Variants in PCDHGA1 observed in about 807,000 individuals in gnomAD.
PCDHGA1 encodes protocadherin gamma subfamily A, 1.
A neutral mutation model predicts 58.0 loss-of-function variants in PCDHGA1; 32 were observed. The ratio of observed to expected loss-of-function variants is 0.55; its 90% confidence interval spans 0.42 to 0.74. The LOEUF (loss-of-function observed/expected upper bound fraction) is 0.74. Ranked by LOEUF, PCDHGA1 falls within the 30% of genes least tolerant of loss-of-function variation. The pLI, the probability that PCDHGA1 is intolerant of heterozygous loss-of-function variation, is 0.00. For synonymous variants in PCDHGA1, 498 were observed against 501.1 expected, an observed-to-expected ratio of 0.99 and a Z score of 0.08; for missense variants, 1,205 against 1,182.3, an observed-to-expected ratio of 1.02 and a Z score of -0.28.
rs1014758036 is a variant in PCDHGA1 at position 141,486,472 on chromosome 5, T to C, written c.2422-8335T>C. The C allele has an allele frequency of 6.2e-7, 1 of 1,614,032 alleles. No homozygotes were observed. Among genetic ancestry groups the C allele is most frequent in the Non-Finnish European group, 8.5e-7 (1 of 1,179,862 alleles). ...TCACTGCTTCTGATGCTGGGAACCC[T>C]CCTCTCAGTACCCACAGAACTATTT... On this transcript the variant is annotated intron_variant, in intron 1 of 3. Coordinates refer to ENST00000517417, the MANE Select transcript of PCDHGA1 (RefSeq NM_018912.3). This position sits in a 1 kb window ranked among gnomAD's most constrained non-coding sequence, Gnocchi z 5.0.
rs758540898 is a variant in PCDHGA1 at position 141,400,450 on chromosome 5, A to G, written c.2421+67345A>G. The G allele has an allele frequency of 3.7e-6, 6 of 1,613,982 alleles. No homozygotes were observed. The African/African-American group carries it at 5.3e-5, about 14-fold the overall frequency. ...TGAGCAATTGAGTTCAGGACAAGAC[A>G]TACTTTGTGGTGATTCATCTGGGGC... On this transcript the variant is annotated intron_variant, in intron 1 of 3. Transcript: ENST00000517417.
chr5:141,331,498 G>T lies in PCDHGA1; in HGVS notation c.814G>T (p.Gly272Ter). Residue 272 changes from glycine (G) to a stop codon, truncating the protein, a stop_gained, in exon 1 of 4, where the codon GGA becomes TGA. Coordinates refer to ENST00000517417, the MANE Select transcript of PCDHGA1 (RefSeq NM_018912.3). LOFTEE classifies it high-confidence loss of function. ...LMVNATDPDE[G>*]ANGEVTYSFH... ...GGTAAATGCCACTGACCCTGATGAG[G>T]GAGCCAATGGGGAAGTAACGTACTC... 6.2e-7 allele frequency: 1 copy of T among 1,614,152 alleles called. No individual in the cohort carries two copies. The highest frequency in any genetic ancestry group is 8.5e-7 in the Non-Finnish European group (1 of 1,180,044).
At chr5:141,409,988 GCCGACT>G in intron 1 of PCDHGA1, 1 of 1,613,278 alleles carries the variant, frequency 6.2e-7, no homozygotes, top group East Asian at 2.2e-5. Context: ...AGCGGTGGAC[GCCGACT>G]CGGGACACAA....
intron 1 of PCDHGA1, chr5:141,351,119 C>A (rs1475553712): frequency 9.3e-6 from 15 of 1,614,056 alleles, no homozygotes; most frequent in Non-Finnish European, 1.3e-5. Context: ...AAGTACCAGC[C>A]TCTTCAATCT....
intron 1 of PCDHGA1, chr5:141,339,256 C>T (rs1756821042): frequency 1.2e-6 from 2 of 1,614,134 alleles, no homozygotes; most frequent in Non-Finnish European, 8.5e-7. Flanking sequence ...GGGAGGAGCT[C>T]TGCGCTCAGA....
chr5:141,409,041 A>G lies in PCDHGA1; in HGVS notation c.2421+75936A>G, dbSNP rs981171621. On this transcript the variant is annotated intron_variant, in intron 1 of 3. Coordinates refer to ENST00000517417, the MANE Select transcript of PCDHGA1 (RefSeq NM_018912.3). ...GGGGTCAATGCTGAGATAAACTACT[A>G]CTTCCGAAGCACTGCCCAGAGCACA... The G allele has an allele frequency of 8.7e-6, 14 of 1,613,864 alleles. No homozygotes were observed. Among genetic ancestry groups the G allele is most frequent in the Non-Finnish European group, 7.6e-6 (9 of 1,179,894 alleles).
rs1561964279 is a variant in PCDHGA1 at position 141,456,201 on chromosome 5, A to G, written c.2422-38606A>G. 2.0e-5 allele frequency among the ~76,000 whole-genome samples: 3 copies of G among 152,228 alleles called. No homozygotes were observed. The South Asian group carries it at 6.2e-4, about 32-fold the overall frequency. On this transcript the variant is annotated intron_variant, in intron 1 of 3. Coordinates refer to ENST00000517417, the MANE Select transcript of PCDHGA1 (RefSeq NM_018912.3). ...ATAATTTCTTAATAACTCCTACCAC[A>G]TTCCTCCCTGTGGCGATATCAAACT...
intron 1 of PCDHGA1, chr5:141,364,594 C>G: frequency 6.2e-7 from 1 of 1,614,188 alleles, no homozygotes; most frequent in Non-Finnish European, 8.5e-7. Context: ...TCACCGCGGG[C>G]AGGATAGACC....
At chr5:141,338,913 G>C (rs1756788667) in intron 1 of PCDHGA1, 17 of 1,506,164 alleles carry the variant, frequency 1.1e-5, no homozygotes, top group Non-Finnish European at 1.5e-5. Flanking sequence ...GAGGAATAAA[G>C]ATTGGAATCC....
intron 1 of PCDHGA1, chr5:141,409,924 C>A (rs760490649): frequency 6.2e-7 from 1 of 1,613,416 alleles, no homozygotes; most frequent in Admixed American, 1.7e-5. Flanking sequence ...GCTCCGCGTT[C>A]TTCGATATGG....
At chr5:141,340,929 C>G (rs1298518888) in intron 1 of PCDHGA1, 1 of 1,613,748 alleles carries the variant, frequency 6.2e-7, no homozygotes, top group Non-Finnish European at 8.5e-7. Flanking sequence ...GGCCAGCCCC[C>G]TCTCTCCGCC....
intron 1 of PCDHGA1, among the ~76,000 whole-genome samples, chr5:141,444,152 ATTTTTTTTTTTTTTTTTTTTTT>A (rs747671382): frequency 8.9e-5 from 3 of 33,882 alleles, no homozygotes; most frequent in East Asian, 1.0e-3. Flanking sequence ...TGTGTACTGG[ATTTTTTTTTTTTTTTTTTTTTT>A]TTTTTTTTTT....
chr5:141,384,557 T>C (rs2150262452), intron 1 of PCDHGA1: 2 of 1,614,252 alleles, frequency 1.2e-6, no homozygotes, highest in Middle Eastern at 3.3e-4. Flanking sequence ...CTGTTCGTGC[T>C]GGACCAGAAT....
intron 1 of PCDHGA1, chr5:141,339,136 G>T: frequency 1.2e-6 from 2 of 1,614,236 alleles, no homozygotes; most frequent in Non-Finnish European, 1.7e-6. Flanking sequence ...TGGGTTTGGA[G>T]CCCCTGGCAC....
At chr5:141,468,889 G>T (rs2099184580) in intron 1 of PCDHGA1, among the ~76,000 whole-genome samples, 1 of 151,496 alleles carries the variant, frequency 6.6e-6, no homozygotes, top group African/African-American at 2.4e-5. Flanking sequence ...ATAATAATAA[G>T]GTACTAATAT....
At chr5:141,351,186 G>GTAGA (rs757467354) in intron 1 of PCDHGA1, 2 of 1,614,046 alleles carry the variant, frequency 1.2e-6, no homozygotes, top group Admixed American at 3.3e-5. Flanking sequence ...GAAGAGACAA[G>GTAGA]TAGATATGTG....
chr5:141,430,837 C>T (rs1350348914), intron 1 of PCDHGA1: 4 of 1,559,956 alleles, frequency 2.6e-6, no homozygotes, highest in South Asian at 2.5e-5. Context: ...TGTGGGAGAC[C>T]GGATGCACCC....
chr5:141,419,316 G>C (rs775328616), intron 1 of PCDHGA1: 2 of 1,613,876 alleles, frequency 1.2e-6, no homozygotes, highest in African/African-American at 1.3e-5. Flanking sequence ...CTCAACGGCC[G>C]TGTCTCCTAC....
intron 1 of PCDHGA1, among the ~76,000 whole-genome samples, chr5:141,457,729 T>A (rs950979422): frequency 2.0e-5 from 3 of 152,236 alleles, no homozygotes; most frequent in Non-Finnish European, 4.4e-5. Context: ...GAATTTCAGA[T>A]TAGACTTTTA....
Sources: allele counts gnomAD v4.1 joint callset (sites outside exome capture counted in the v4.1 genomes callset), GRCh38; gene constraint gnomAD v4.1.1; non-coding constraint Gnocchi (gnomAD v3.1); transcripts MANE v1.5; gene names NCBI Gene and HGNC (gene_info 2026-07-23, HGNC 2026-07-21).